The following SCUBE1 variants were observed in gnomAD, a reference collection of about 807,000 sequenced individuals.
SCUBE1 encodes signal peptide, CUB domain and EGF like domain containing 1.
Under a neutral mutation model 124.4 loss-of-function variants are expected in SCUBE1, and 59 were observed. That is an observed-to-expected ratio of 0.47 (90% CI 0.38 to 0.59). The LOEUF (loss-of-function observed/expected upper bound fraction) is 0.59, where lower values mean the gene tolerates loss of function less well. SCUBE1 is among the 20% of genes least tolerant of loss of function. The pLI is 0.00. For synonymous variants in SCUBE1, 545 were observed against 550.9 expected (o/e 0.99, Z 0.15); for missense variants, 1,150 against 1,371.2 (o/e 0.84, Z 2.55).
Position 43,210,039 on chromosome 22 carries a change from A to G in SCUBE1, c.2581+4T>C, listed in dbSNP as rs368428945. ...GCCTCTGGTCCCCTCGGCCCCCAACATACCACTCTTCCTCATGACCAGAAC... is the reference window on the plus strand; with the variant it reads ...GCCTCTGGTCCCCTCGGCCCCCAACGTACCACTCTTCCTCATGACCAGAAC... On this transcript the variant is annotated splice_donor_region_variant and intron_variant, in intron 19 of 21. Transcript: ENST00000360835. The surrounding 1 kb of genome is among the most constrained non-coding windows in gnomAD (Gnocchi z 4.5). The G allele has an allele frequency of 1.2e-6, 2 of 1,600,184 alleles. No homozygotes were observed. Among genetic ancestry groups the G allele is most frequent in the Non-Finnish European group, 1.7e-6 (2 of 1,172,854 alleles).
At chr22:43,283,635 C>T (rs141733105) in intron 4 of SCUBE1, 23 of 152,050 alleles carry the variant, frequency 1.5e-4, no homozygotes, top group African/African-American at 4.1e-4. Context: ...GATGTGGATC[C>T]GTATGTCATA....
Position 43,202,324 on chromosome 22 carries a change from G to GC in SCUBE1, c.*1672dup, listed in dbSNP as rs1475546608. The GC allele has an allele frequency of 1.3e-5, 2 of 152,232 alleles. No homozygotes were observed. The highest frequency in any genetic ancestry group is 3.8e-4 in the East Asian group (2 of 5,196). The allele number at this position is 152,232 out of a possible 1,614,324, so 9.4% of individuals were successfully genotyped here. ...GTTTGTTTCTCGCCAGCCAGGCTGG[G>GC]CCCGGGGGTGACCAGGAGGAACCCT... On this transcript the variant is annotated 3_prime_UTR_variant, in exon 22 of 22. Coordinates refer to ENST00000360835, the MANE Select transcript of SCUBE1 (RefSeq NM_173050.5).
rs1601833010 is a variant in SCUBE1 at position 43,255,356 on chromosome 22, C to G, written c.727+2863G>C. ...ACCCCACAACACAGACATATGCCCC[C>G]ACACGCACACGTCACACCCACACAC... On this transcript the variant is annotated intron_variant, in intron 6 of 21. Transcript: ENST00000360835. This position sits in a 1 kb window ranked among gnomAD's most constrained non-coding sequence, Gnocchi z 4.7. 1 of 782,968 alleles carries G rather than the reference C, an allele frequency of 1.3e-6. No homozygotes were observed. Among genetic ancestry groups the G allele is most frequent in the East Asian group, 2.7e-5 (1 of 37,360 alleles). The allele number at this position is 782,968 out of a possible 1,614,324, so 48.5% of individuals were successfully genotyped here.
At chr22:43,314,527 C>T (rs2146778363) in intron 3 of SCUBE1, among the ~76,000 whole-genome samples, 1 of 152,226 alleles carries the variant, frequency 6.6e-6, no homozygotes, top group East Asian at 1.9e-4. Flanking sequence ...ACAGGGGAGT[C>T]ATGAGCACCT....
chr22:43,294,404 G>A (rs1925482762), intron 3 of SCUBE1, among the ~76,000 whole-genome samples: 1 of 152,018 alleles, frequency 6.6e-6, no homozygotes, highest in Non-Finnish European at 1.5e-5. Flanking sequence ...CCGCCCATGA[G>A]CCCAGGACAG....
chr22:43,241,687 C>T (rs1428674954), intron 6 of SCUBE1, among the ~76,000 whole-genome samples: 3 of 152,208 alleles, frequency 2.0e-5, no homozygotes, highest in Non-Finnish European at 4.4e-5. Flanking sequence ...GCTGCTTCCC[C>T]AGCACTTCCC....
chr22:43,292,284 G>C (rs1195069075), intron 3 of SCUBE1, among the ~76,000 whole-genome samples: 1 of 152,176 alleles, frequency 6.6e-6, no homozygotes, highest in East Asian at 1.9e-4. Context: ...GGGAGAGGCA[G>C]ACCTCAGGGC....
chr22:43,308,681 C>T (rs1488292447), intron 3 of SCUBE1, among the ~76,000 whole-genome samples: 1 of 152,240 alleles, frequency 6.6e-6, no homozygotes, highest in Non-Finnish European at 1.5e-5. Flanking sequence ...CTGCACGGAG[C>T]ATCTGGGCAC....
Position 43,197,491 on chromosome 22 carries a change from G to A in SCUBE1, c.*6506C>T, listed in dbSNP as rs1314909718. The A allele has an allele frequency of 1.3e-5, 2 of 152,252 alleles. No individual in the cohort carries two copies. Among genetic ancestry groups the A allele is most frequent in the African/African-American group, 4.8e-5 (2 of 41,446 alleles). The allele number at this position is 152,252 out of a possible 1,614,324, so 9.4% of individuals were successfully genotyped here. The stretch of plus-strand genomic sequence containing the variant: ...ACAGGAGCCAGAAGTGAAGTCTGCG[G>A]GCCGCTAGCACAGCGCCCTGGTGTC... On this transcript the variant is annotated 3_prime_UTR_variant, in exon 22 of 22. Coordinates refer to ENST00000360835, the MANE Select transcript of SCUBE1 (RefSeq NM_173050.5).
intron 3 of SCUBE1, among the ~76,000 whole-genome samples, chr22:43,308,341 G>T (rs1161042858): frequency 6.6e-6 from 1 of 152,200 alleles, no homozygotes; most frequent in Non-Finnish European, 1.5e-5. Context: ...AGGTGGTGGG[G>T]TAGTAGGTGG....
At position 43,211,389 on chromosome 22, in the gene SCUBE1, C is replaced by T. The variant is rs577532528; in HGVS notation, c.2222-306G>A. 2.0e-5 allele frequency among the ~76,000 whole-genome samples: 3 copies of T among 151,818 alleles called. No individual in the cohort carries two copies. Among genetic ancestry groups the T allele is most frequent in the East Asian group, 3.9e-4 (2 of 5,168 alleles). ...GGGCGATGATGTGGCCGGAGGCGTG[C>T]GGGGGAGACAGGGAGGAGGGGAAGT... On this transcript the variant is annotated intron_variant, in intron 17 of 21. Coordinates refer to ENST00000360835, the MANE Select transcript of SCUBE1 (RefSeq NM_173050.5). This position sits in a 1 kb window ranked among gnomAD's most constrained non-coding sequence, Gnocchi z 4.5.
Position 43,295,696 on chromosome 22 carries a change from C to T in SCUBE1, c.350-4516G>A, listed in dbSNP as rs977118239. Among the ~76,000 whole-genome samples the T allele has an allele frequency of 2.0e-5, 3 of 152,258 alleles. No homozygotes were observed. In the East Asian group the frequency reaches 5.8e-4, roughly 29 times the overall value. Reference sequence around the variant, plus strand: ...TGTGCATGCCACCCTCCTCCTGGAACTGCCTCCCCTCCTTGTCCAGACCGA... The same window carrying T: ...TGTGCATGCCACCCTCCTCCTGGAATTGCCTCCCCTCCTTGTCCAGACCGA... On this transcript the variant is annotated intron_variant, in intron 3 of 21. Coordinates refer to ENST00000360835, the MANE Select transcript of SCUBE1 (RefSeq NM_173050.5).
At chr22:43,337,544 C>T (rs1207094633) in intron 2 of SCUBE1, among the ~76,000 whole-genome samples, 1 of 152,238 alleles carries the variant, frequency 6.6e-6, no homozygotes, top group East Asian at 1.9e-4. Context: ...CCAGGCTTCT[C>T]ACTCATGGCC....
At chr22:43,244,958 G>A (rs866537061) in intron 6 of SCUBE1, among the ~76,000 whole-genome samples, 4 of 152,248 alleles carry the variant, frequency 2.6e-5, no homozygotes, top group Non-Finnish European at 4.4e-5. Flanking sequence ...CAGAAGCTGC[G>A]GTGAAAAGGG....
At chr22:43,295,501 C>A (rs1004136914) in intron 3 of SCUBE1, among the ~76,000 whole-genome samples, 1 of 150,212 alleles carries the variant, frequency 6.7e-6, no homozygotes, top group Admixed American at 6.6e-5. Flanking sequence ...AGCTCACTAC[C>A]GCCAAGGGAC....
intron 6 of SCUBE1, among the ~76,000 whole-genome samples, chr22:43,250,055 C>T (rs1389539611): frequency 6.6e-6 from 1 of 152,256 alleles, no homozygotes; most frequent in Admixed American, 6.5e-5. Context: ...TCACTCATTT[C>T]ATCCTCAAAT....
At chr22:43,238,711 C>T (rs758586198) in intron 7 of SCUBE1, 127 bp downstream of exon 7, 20 of 805,724 alleles carry the variant, frequency 2.5e-5, no homozygotes, top group Admixed American at 1.8e-4. Flanking sequence ...ATGATTGCCA[C>T]GTGTCCTTTC....
chr22:43,318,109 C>T (rs1329267888), intron 3 of SCUBE1: 2 of 152,116 alleles, frequency 1.3e-5, no homozygotes, highest in Admixed American at 6.5e-5. Context: ...TTATTTAAGC[C>T]CTAGTTTGTT....
intron 4 of SCUBE1, among the ~76,000 whole-genome samples, chr22:43,275,639 G>A (rs1924477074): frequency 6.6e-6 from 1 of 152,220 alleles, no homozygotes; most frequent in Admixed American, 6.5e-5. Flanking sequence ...CAGAGAGGAG[G>A]TGAAAGTGCG....
Sources: gnomAD v4.1 joint callset for allele counts (sites outside exome capture counted in the v4.1 genomes callset) on GRCh38, gnomAD v4.1.1 for gene constraint, Gnocchi (gnomAD v3.1) non-coding constraint, MANE v1.5 for transcripts, NCBI Gene and HGNC (gene_info 2026-07-23, HGNC 2026-07-21) for gene names.